Variants in KCTD2 observed in about 807,000 individuals in gnomAD.
KCTD2 encodes BTB/POZ domain-containing protein KCTD2.
In KCTD2, 18 loss-of-function variants were observed where a neutral mutation model predicts 27.9. The observed-to-expected ratio is 0.64, with a 90% CI of 0.45 to 0.96. The LOEUF is 0.96. Ranked by LOEUF, KCTD2 falls within the 40% of genes least tolerant of loss-of-function variation. The pLI is 0.00. For synonymous variants in KCTD2, 175 were observed against 148.4 expected (o/e 1.18, Z -1.30); for missense variants, 280 against 348.0 (o/e 0.80, Z 1.56).
At chr17:75,055,826 C>T (rs1264197816) in intron 3 of KCTD2, among the ~76,000 whole-genome samples, 7 of 148,988 alleles carry the variant, frequency 4.7e-5, no homozygotes, top group African/African-American at 1.7e-4. Flanking sequence ...GAGCGAAACT[C>T]CCATCTAAAA....
At chr17:75,040,566 G>A (rs2073148867) in intron 3 of KCTD2, 1 of 215,020 alleles carries the variant, frequency 4.7e-6, no homozygotes. Flanking sequence ...AAGGAGCACT[G>A]CGTAATGAAT....
chr17:75,056,050 G>C (rs1372486545), intron 3 of KCTD2, among the ~76,000 whole-genome samples: 1 of 152,042 alleles, frequency 6.6e-6, no homozygotes, highest in East Asian at 1.9e-4. Context: ...AAGTTTTCTG[G>C]CTCTAACTGG....
intron 2 of KCTD2, among the ~76,000 whole-genome samples, 184 bp from the exon 3 acceptor site, chr17:75,052,830 G>T (rs1447712128): frequency 6.6e-6 from 1 of 152,202 alleles, no homozygotes; most frequent in African/African-American, 2.4e-5. Flanking sequence ...GGAGGCGGAG[G>T]TTGCCGTGAG....
At chr17:75,055,158 G>A (rs1366338816) in intron 3 of KCTD2, among the ~76,000 whole-genome samples, 1 of 151,928 alleles carries the variant, frequency 6.6e-6, no homozygotes, top group African/African-American at 2.4e-5. Context: ...AGGTTCAAGC[G>A]ATTCTCATGT....
chr17:75,058,826 G>A (rs1349853544), intron 3 of KCTD2, among the ~76,000 whole-genome samples: 2 of 151,062 alleles, frequency 1.3e-5, no homozygotes, highest in East Asian at 2.0e-4. Context: ...GGCCGGGCGC[G>A]GTGGCTCATG....
chr17:75,046,582 C>G (rs372510854), upstream of KCTD2, among the ~76,000 whole-genome samples: 2 of 152,230 alleles, frequency 1.3e-5, no homozygotes, highest in African/African-American at 4.8e-5. Flanking sequence ...GAGCGTCCCT[C>G]GGCAGGTTAA....
chr17:75,055,558 G>T (rs1399652042), intron 3 of KCTD2, among the ~76,000 whole-genome samples: 1 of 151,614 alleles, frequency 6.6e-6, no homozygotes, highest in African/African-American at 2.4e-5. Context: ...TACTGGCCGG[G>T]CGTGGTGGCT....
chr17:75,055,712 A>T (rs367974157), intron 3 of KCTD2, among the ~76,000 whole-genome samples: 1 of 152,258 alleles, frequency 6.6e-6, no homozygotes, highest in East Asian at 1.9e-4. Context: ...CATGCCTGTA[A>T]TCCCAGCTAC....
intron 3 of KCTD2, chr17:75,040,190 TCAG>T: frequency 6.2e-7 from 1 of 1,611,604 alleles, no homozygotes; most frequent in African/African-American, 1.3e-5. Flanking sequence ...ACGGGAACCT[TCAG>T]CGCATTAAAC....
chr17:75,061,872 A>C (rs1231184807), intron 4 of KCTD2, among the ~76,000 whole-genome samples: 1 of 149,578 alleles, frequency 6.7e-6, no homozygotes, highest in Non-Finnish European at 1.5e-5. Context: ...ACGGGGGGGG[A>C]CTTCAGAGCT....
intron 3 of KCTD2, chr17:75,039,306 A>G (rs201521579): frequency 5.6e-6 from 9 of 1,597,760 alleles, no homozygotes; most frequent in Non-Finnish European, 7.7e-6. Flanking sequence ...TTCTGAAACC[A>G]GGCTGCATTC....
intron 4 of KCTD2, chr17:75,060,407 T>C (rs980826857): frequency 6.4e-7 from 1 of 1,563,138 alleles, no homozygotes; most frequent in Admixed American, 1.8e-5. Context: ...ACTTATTAAC[T>C]GGTTCACTTC....
At chr17:75,034,570 G>C (rs1313020543) in intron 2 of KCTD2, among the ~76,000 whole-genome samples, 1 of 152,162 alleles carries the variant, frequency 6.6e-6, no homozygotes, top group Non-Finnish European at 1.5e-5. Context: ...ACACGGCCCT[G>C]CTGTGGGTCA....
At chr17:75,058,959 G>A (rs1324568531) in intron 3 of KCTD2, among the ~76,000 whole-genome samples, 1 of 151,828 alleles carries the variant, frequency 6.6e-6, no homozygotes, top group Non-Finnish European at 1.5e-5. Flanking sequence ...TTAGCCGGGC[G>A]TGGTGGCGGG....
chr17:75,047,292 A>AGGGGGCGGCGGGAGTGGG lies in KCTD2; in HGVS notation c.44_61dup (p.Gly15_Gly20dup). Reference sequence around the variant, plus strand: ...TGGACCCGGCGATGGCGGGGCTGGGAGGGGGCGGCGGGAGTGGGGTGGGCG... The same window carrying AGGGGGCGGCGGGAGTGGG: ...TGGACCCGGCGATGGCGGGGCTGGGAGGGGGCGGCGGGAGTGGGGGGGGCGGCGGGAGTGGGGTGGGCG... On this transcript the variant is annotated inframe_insertion, in exon 1 of 6. Transcript: ENST00000322444. 4.1e-6 allele frequency: 3 copies of AGGGGGCGGCGGGAGTGGG among 729,698 alleles called. No homozygotes were observed. Among genetic ancestry groups the AGGGGGCGGCGGGAGTGGG allele is most frequent in the Non-Finnish European group, 5.0e-6 (3 of 598,478 alleles). The allele number at this position is 729,698 out of a possible 1,614,324, so 45.2% of individuals were successfully genotyped here.
In KCTD2 at chr17:75,049,320, C is replaced by T. The variant is rs955585715; in HGVS notation, c.440C>T (p.Ala147Val). The T allele has an allele frequency of 1.3e-6, 2 of 1,598,932 alleles. No individual in the cohort carries two copies. Among genetic ancestry groups the T allele is most frequent in the African/African-American group, 2.7e-5 (2 of 74,558 alleles). ...AAACTCATCATCACTAAGGAGTTGG[C>T]AGAAGAAGGTAAGCGCACTGTTTGC... ...HGKLIITKEL[A>V]EEGVLEEAEF... Residue 147 changes from alanine (A) to valine (V), a missense_variant, in exon 2 of 6, where the codon GCA (alanine) becomes GTA (valine). By Grantham distance (64) the Ala-to-Val change is moderately conservative. Transcript: ENST00000322444.
rs2073372517 is a variant in KCTD2, at chr17:75,058,557, T to A, written c.541-953T>A. Among the ~76,000 whole-genome samples the A allele has an allele frequency of 2.0e-5, 3 of 151,708 alleles. No homozygotes were observed. The South Asian group carries it at 6.3e-4, about 32-fold the overall frequency. On this transcript the variant is annotated intron_variant, in intron 3 of 5. Coordinates refer to ENST00000322444, the MANE Select transcript of KCTD2 (RefSeq NM_015353.3). ...GCTCATGCCTGTAATCCCAGCACTT[T>A]GGGAGACCAGGGCAGGTGGATCATG... is the stretch of plus-strand genomic sequence containing the variant.
chr17:75,053,059 G>A lies in KCTD2; in HGVS notation c.494G>A (p.Arg165Gln), dbSNP rs1329149306. The change falls in exon 3 of 6, where the codon CGG (arginine) becomes CAG (glutamine). Residue 165 changes from arginine (R) to glutamine (Q), a missense_variant. By Grantham distance (43) the Arg-to-Gln change is conservative. Coordinates refer to ENST00000322444, the MANE Select transcript of KCTD2 (RefSeq NM_015353.3). The part of the protein sequence containing the change: ...AEFYNIASLV[R>Q]LVKERIRDNE... ...TTTTACAACATCGCGTCCCTTGTGC[G>A]GCTGGTTAAGGAAAGGATACGGGAC... 3 of 1,614,088 alleles carry A rather than the reference G, an allele frequency of 1.9e-6. No homozygotes were observed. The highest frequency in any genetic ancestry group is 1.7e-6 in the Non-Finnish European group (2 of 1,180,006).
intron 3 of KCTD2, among the ~76,000 whole-genome samples, chr17:75,054,905 A>G (rs1043774765): frequency 4.6e-5 from 7 of 152,054 alleles, no homozygotes; most frequent in African/African-American, 1.7e-4. Flanking sequence ...TACAGAGTTA[A>G]CAGTAAGAAG....
Sources: allele counts gnomAD v4.1 joint callset (sites outside exome capture counted in the v4.1 genomes callset), GRCh38; gene constraint gnomAD v4.1.1; transcripts MANE v1.5; gene names NCBI Gene and HGNC (gene_info 2026-07-23, HGNC 2026-07-21).